MYO16: variants seen among roughly 807,000 people sequenced by gnomAD.
MYO16 encodes the protein myosin XVI.
Under a neutral mutation model 205.3 loss-of-function variants are expected in MYO16, and 94 were observed. The observed-to-expected ratio is 0.46, with a 90% CI of 0.39 to 0.54. The LOEUF is 0.54. MYO16 is among the 20% of genes least tolerant of loss of function. The pLI is 0.00. For synonymous variants in MYO16, 988 were observed against 954.0 expected (o/e 1.04, Z -0.66); for missense variants, 2,315 against 2,387.5 (o/e 0.97, Z 0.63).
intron 23 of MYO16, among the ~76,000 whole-genome samples, chr13:109,039,244 G>A (rs1440358893): frequency 6.6e-6 from 1 of 152,194 alleles, no homozygotes; most frequent in East Asian, 1.9e-4. Flanking sequence ...TAGACAGAAA[G>A]TGATGCTGGA....
intron 27 of MYO16, among the ~76,000 whole-genome samples, chr13:109,062,278 C>A (rs746566678): frequency 6.6e-6 from 1 of 152,006 alleles, no homozygotes; most frequent in Admixed American, 6.5e-5. Context: ...AGGATCGTAT[C>A]GTATTCATTC....
chr13:108,527,641 C>G, the MYO16 span, among the ~76,000 whole-genome samples: 2 of 152,096 alleles, frequency 1.3e-5, no homozygotes, highest in Non-Finnish European at 2.9e-5. Context: ...TATGAGTGAT[C>G]ATTTTGTATA....
chr13:108,676,069 T>A (rs1031297837), intron 2 of MYO16, among the ~76,000 whole-genome samples: 3 of 152,176 alleles, frequency 2.0e-5, no homozygotes, highest in African/African-American at 7.2e-5. Flanking sequence ...ATTATCAGAG[T>A]CGTAAAGTTG....
intron 27 of MYO16, among the ~76,000 whole-genome samples, chr13:109,074,955 T>C (rs950019108): frequency 6.6e-6 from 1 of 152,212 alleles, no homozygotes; most frequent in East Asian, 1.9e-4. Context: ...ATTTTTTAAA[T>C]AAATGGCACC....
intron 2 of MYO16, among the ~76,000 whole-genome samples, chr13:108,672,780 T>G (rs539371729): frequency 1.3e-5 from 2 of 152,192 alleles, no homozygotes; most frequent in South Asian, 2.1e-4. Flanking sequence ...GAGAGAGAGA[T>G]AGAGAAATAG....
chr13:108,894,158 C>T (rs548251757), intron 14 of MYO16, among the ~76,000 whole-genome samples: 4 of 152,038 alleles, frequency 2.6e-5, no homozygotes, highest in Admixed American at 1.3e-4. Flanking sequence ...AGATCTCATG[C>T]GAATGCCTTC....
rs557647675 is a variant in MYO16, at chr13:109,010,295, T to C, written c.2595+1246T>C. ...CTTATTTCCCTAGGTTCTATTTTTG[T>C]CTTTAGGCACTTCCACAAGTTTTCA... On this transcript the variant is annotated intron_variant, in intron 22 of 34. Transcript: ENST00000457511. Among the ~76,000 whole-genome samples the C allele has an allele frequency of 3.5e-4, 53 of 152,294 alleles. No individual in the cohort carries two copies. In the East Asian group the frequency reaches 7.0e-3, roughly 20 times the overall value.
chr13:108,963,935 C>T (rs60790093), intron 19 of MYO16, among the ~76,000 whole-genome samples: 19 of 152,292 alleles, frequency 1.2e-4, no homozygotes, highest in African/African-American at 2.2e-4. Context: ...TGTTCCATCT[C>T]GATGGCCTTG....
At chr13:108,626,759 C>T (rs934081371), upstream of MYO16, among the ~76,000 whole-genome samples, 3 of 151,314 alleles carry the variant, frequency 2.0e-5, no homozygotes, top group Non-Finnish European at 2.9e-5. Flanking sequence ...GAGCCAAGAT[C>T]GCGCCATTGC....
In MYO16 at chr13:109,068,340, G is replaced by T. The variant is rs112351074; in HGVS notation, c.3335+12745G>T. 3.6e-3 allele frequency among the ~76,000 whole-genome samples: 550 copies of T among 152,258 alleles called. 4 individuals are homozygous for T. The highest frequency in any genetic ancestry group is 0.012 in the African/African-American group (498 of 41,546). ...CACCTTCCTTTAGGAAGTGGGAAAG[G>T]TTAGAGAGTGGCCCAGCAGGTCACT... On this transcript the variant is annotated intron_variant, in intron 27 of 34. Coordinates refer to ENST00000457511, the MANE Select transcript of MYO16 (RefSeq NM_001198950.3).
chr13:108,808,551 G>A (rs576579257), intron 7 of MYO16, among the ~76,000 whole-genome samples: 3 of 151,858 alleles, frequency 2.0e-5, no homozygotes, highest in African/African-American at 7.3e-5. Context: ...GACCTCAGGT[G>A]ATCCACCTGC....
At chr13:108,931,269 A>T (rs1238403932) in intron 16 of MYO16, among the ~76,000 whole-genome samples, 1 of 152,190 alleles carries the variant, frequency 6.6e-6, no homozygotes, top group African/African-American at 2.4e-5. Context: ...TTCTCATTCA[A>T]GTTAATCCCC....
chr13:108,959,734 G>A (rs1008682018), intron 17 of MYO16, among the ~76,000 whole-genome samples: 3 of 152,136 alleles, frequency 2.0e-5, no homozygotes, highest in Admixed American at 6.5e-5. Flanking sequence ...CCGTCTAGCC[G>A]GGCGGCAGGG....
At chr13:108,671,582 G>T (rs1036414438) in intron 2 of MYO16, among the ~76,000 whole-genome samples, 3 of 152,158 alleles carry the variant, frequency 2.0e-5, no homozygotes, top group Non-Finnish European at 4.4e-5. Context: ...GTCTGAATTT[G>T]TAACAATTAT....
chr13:108,578,416 T>TTAAATA, the MYO16 span, among the ~76,000 whole-genome samples: 1 of 152,180 alleles, frequency 6.6e-6, no homozygotes, highest in Non-Finnish European at 1.5e-5. Flanking sequence ...TTATGCAAAA[T>TTAAATA]TAAATATCGA....
chr13:108,692,522 C>A (rs1566553251), intron 2 of MYO16, among the ~76,000 whole-genome samples: 1 of 152,182 alleles, frequency 6.6e-6, no homozygotes, highest in Non-Finnish European at 1.5e-5. Flanking sequence ...TGGTCTTGAG[C>A]AGCCTGGGAA....
At chr13:109,050,652 AC>A (rs1451395041) in intron 24 of MYO16, among the ~76,000 whole-genome samples, 1 of 152,014 alleles carries the variant, frequency 6.6e-6, no homozygotes, top group African/African-American at 2.4e-5. Context: ...TGATTTTCTT[AC>A]CCCATCTTTC....
At chr13:108,968,888 C>A (rs552495500) in intron 20 of MYO16, among the ~76,000 whole-genome samples, 2 of 152,194 alleles carry the variant, frequency 1.3e-5, no homozygotes, top group Non-Finnish European at 2.9e-5. Flanking sequence ...CTTGTCCAGG[C>A]TTCCTCCTAG....
At chr13:108,516,175 G>C in the MYO16 span, among the ~76,000 whole-genome samples, 4 of 152,052 alleles carry the variant, frequency 2.6e-5, no homozygotes, top group Non-Finnish European at 2.9e-5. Context: ...ATATAGTCTC[G>C]TGGTGCGCCA....
Sources: allele counts gnomAD v4.1 joint callset (sites outside exome capture counted in the v4.1 genomes callset), GRCh38; gene constraint gnomAD v4.1.1; transcripts MANE v1.5; gene names NCBI Gene and HGNC (gene_info 2026-07-23, HGNC 2026-07-21).